Variants in IHO1 observed in about 807,000 individuals in gnomAD.
IHO1 encodes the protein interactor of HORMAD1 protein 1.
In IHO1, 13 loss-of-function variants were observed where a neutral mutation model predicts 31.0. The observed-to-expected ratio is 0.42, with a 90% CI of 0.27 to 0.67. IHO1 has a LOEUF of 0.67. Ranked by LOEUF, IHO1 falls within the 30% of genes least tolerant of loss-of-function variation. The pLI is 0.24. For missense variants in IHO1, 599 were observed against 687.5 expected (o/e 0.87, Z 1.44); for synonymous variants, 221 against 248.4 (o/e 0.89, Z 1.04).
intron 4 of IHO1, 145 bp downstream of exon 4, chr3:49,241,534 CACAT>C (rs2046630954): frequency 3.5e-6 from 2 of 571,710 alleles, no homozygotes; most frequent in African/African-American, 1.9e-5. Context: ...GACTTACACA[CACAT>C]ACACACACAC....
intron 1 of IHO1, among the ~76,000 whole-genome samples, chr3:49,207,014 C>A (rs1197095524): frequency 6.8e-6 from 1 of 146,180 alleles, no homozygotes; most frequent in Admixed American, 6.9e-5. Context: ...TGCCATTGCA[C>A]TCCAGCCTGG....
chr3:49,244,954 A>AG lies in IHO1; in HGVS notation c.532+223dup. 4.9e-6 allele frequency: 3 copies of AG among 612,014 alleles called. No individual in the cohort carries two copies. In the South Asian group the frequency reaches 5.6e-5, roughly 12 times the overall value. 37.9% of individuals were successfully genotyped at this position (612,014 alleles called of 1,614,324 possible). ...CTCTGGTCCCATGATGCCTTTTGTGAGGCACTAATCCCCCACCTGGTAACC... is the reference window on the plus strand; with the variant it reads ...CTCTGGTCCCATGATGCCTTTTGTGAGGGCACTAATCCCCCACCTGGTAACC... On this transcript the variant is annotated intron_variant, in intron 6 of 7. Coordinates refer to ENST00000452691, the MANE Select transcript of IHO1 (RefSeq NM_001135197.2).
chr3:49,227,701 C>T (rs936547387), intron 2 of IHO1, among the ~76,000 whole-genome samples: 1 of 152,140 alleles, frequency 6.6e-6, no homozygotes, highest in Non-Finnish European at 1.5e-5. Flanking sequence ...TGGGACTTTG[C>T]CCCGTCCTAT....
intron 2 of IHO1, among the ~76,000 whole-genome samples, chr3:49,222,482 A>G (rs1204161973): frequency 6.6e-6 from 1 of 152,184 alleles, no homozygotes; most frequent in Non-Finnish European, 1.5e-5. Context: ...AGGTGGGAGT[A>G]AATTGCTGTC....
intron 1 of IHO1, among the ~76,000 whole-genome samples, chr3:49,209,040 A>T (rs2046175602): frequency 6.6e-6 from 1 of 152,236 alleles, no homozygotes; most frequent in African/African-American, 2.4e-5. Context: ...GGGAAGATGG[A>T]CATCTCAGGC....
intron 6 of IHO1, among the ~76,000 whole-genome samples, chr3:49,250,004 A>G (rs2046741126): frequency 6.6e-6 from 1 of 152,270 alleles, no homozygotes. Context: ...ACAGGAAAAC[A>G]GATATTGTCC....
chr3:49,203,596 T>G (rs1575562748), intron 1 of IHO1, among the ~76,000 whole-genome samples: 1 of 152,046 alleles, frequency 6.6e-6, no homozygotes, highest in African/African-American at 2.4e-5. Flanking sequence ...TGGAGTAGGG[T>G]TGCCGCATTT....
intron 6 of IHO1, among the ~76,000 whole-genome samples, chr3:49,246,980 C>T (rs1430167747): frequency 6.6e-6 from 1 of 151,616 alleles, no homozygotes; most frequent in Non-Finnish European, 1.5e-5. Flanking sequence ...TCCTGAGTAG[C>T]TGGGATTACA....
chr3:49,234,169 T>TC (rs2046520893), intron 2 of IHO1, among the ~76,000 whole-genome samples: 7 of 146,020 alleles, frequency 4.8e-5, no homozygotes, highest in Admixed American at 4.1e-4. Context: ...GTTGTTTTTT[T>TC]TTTTTTTTTT....
chr3:49,228,402 C>A (rs183552328), intron 2 of IHO1: 1 of 424,950 alleles, frequency 2.4e-6, no homozygotes, highest in Non-Finnish European at 4.7e-6. Context: ...CCAGCGGCCA[C>A]GCTAGTCACT....
At chr3:49,229,184 A>G (rs1402966815) in intron 2 of IHO1, among the ~76,000 whole-genome samples, 4 of 152,262 alleles carry the variant, frequency 2.6e-5, no homozygotes, top group South Asian at 2.1e-4. Flanking sequence ...TGCATTTACA[A>G]TCCTCTAGCT....
chr3:49,237,848 T>TCTTGAATC (rs1160615937), intron 3 of IHO1, among the ~76,000 whole-genome samples: 1 of 149,524 alleles, frequency 6.7e-6, no homozygotes, highest in Non-Finnish European at 1.5e-5. Flanking sequence ...GAACAGAGTC[T>TCTTGAATC]CTTGAATCCT....
intron 1 of IHO1, among the ~76,000 whole-genome samples, chr3:49,209,197 T>C (rs1559437693): frequency 1.3e-5 from 2 of 152,216 alleles, no homozygotes; most frequent in Admixed American, 6.5e-5. Context: ...GCTGGTTTCA[T>C]TCTCAACATT....
chr3:49,205,830 C>T (rs1179167313), intron 1 of IHO1, among the ~76,000 whole-genome samples: 2 of 144,300 alleles, frequency 1.4e-5, no homozygotes, highest in Admixed American at 7.2e-5. Context: ...AGTGCAGTGG[C>T]GCAATCTCGG....
At chr3:49,235,534 A>G (rs1028226445) in intron 2 of IHO1, among the ~76,000 whole-genome samples, 16 of 152,180 alleles carry the variant, frequency 1.1e-4, no homozygotes, top group Non-Finnish European at 2.2e-4. Flanking sequence ...GGCCGATTAT[A>G]TATAAATCTA....
At chr3:49,209,220 T>G (rs956896739) in intron 1 of IHO1, among the ~76,000 whole-genome samples, 1 of 152,232 alleles carries the variant, frequency 6.6e-6, no homozygotes, top group South Asian at 2.1e-4. Flanking sequence ...GGGGGGAGTT[T>G]GGTCATGTAG....
chr3:49,211,907 A>T (rs1575567140), intron 2 of IHO1, 71 bp downstream of exon 2: 1 of 888,032 alleles, frequency 1.1e-6, no homozygotes, highest in East Asian at 2.5e-5. Context: ...TCACACCTGT[A>T]ATCCCAGCAC....
intron 1 of IHO1, among the ~76,000 whole-genome samples, chr3:49,201,221 C>A (rs1471055251): frequency 5.9e-5 from 9 of 152,068 alleles, no homozygotes; most frequent in East Asian, 2.0e-4. Context: ...TCTCGATCTC[C>A]TGACCTCGTG....
intron 2 of IHO1, among the ~76,000 whole-genome samples, chr3:49,215,196 A>G (rs1353571585): frequency 1.3e-5 from 2 of 151,962 alleles, no homozygotes; most frequent in Non-Finnish European, 2.9e-5. Flanking sequence ...GATTACAGGC[A>G]TGCACCACCA....
Sources: gnomAD v4.1 joint callset for allele counts (sites outside exome capture counted in the v4.1 genomes callset) on GRCh38, gnomAD v4.1.1 for gene constraint, MANE v1.5 for transcripts, NCBI Gene and HGNC (gene_info 2026-07-23, HGNC 2026-07-21) for gene names.